Variants in COL11A1 observed in about 807,000 individuals in gnomAD.
COL11A1 encodes collagen alpha-1(XI) chain.
A neutral mutation model predicts 265.2 loss-of-function variants in COL11A1; 74 were observed. The observed-to-expected ratio is 0.28, with a 90% CI of 0.23 to 0.34. COL11A1 has a LOEUF of 0.34. Among genes scored for constraint, COL11A1 ranks in the 10% least tolerant of loss-of-function variants. The pLI is 1.00. For synonymous variants in COL11A1, 816 were observed against 727.6 expected (o/e 1.12, Z -1.96); for missense variants, 2,165 against 2,263.6 (o/e 0.96, Z 0.88).
chr1:102,959,083 T>A (rs191335395), intron 41 of COL11A1, among the ~76,000 whole-genome samples: 2 of 152,328 alleles, frequency 1.3e-5, no homozygotes, highest in Non-Finnish European at 2.9e-5. Flanking sequence ...AATGTTGACA[T>A]TGGTCACTGG....
At chr1:102,992,469 A>C (rs1393481933) in intron 28 of COL11A1, among the ~76,000 whole-genome samples, 1 of 152,042 alleles carries the variant, frequency 6.6e-6, no homozygotes. Flanking sequence ...ATCATTATAT[A>C]TAAAATATTT....
chr1:103,041,816 G>T (rs893978779), intron 4 of COL11A1, among the ~76,000 whole-genome samples: 5 of 152,038 alleles, frequency 3.3e-5, no homozygotes, highest in East Asian at 1.9e-4. Context: ...ACGATGGAAG[G>T]CTTGCTCAAA....
chr1:102,890,244 T>C (rs1468769449), intron 58 of COL11A1, among the ~76,000 whole-genome samples: 1 of 152,128 alleles, frequency 6.6e-6, no homozygotes, highest in East Asian at 1.9e-4. Flanking sequence ...TGAGAAGATA[T>C]AGCACTGAAT....
chr1:102,959,182 A>G (rs1557872619), intron 41 of COL11A1, among the ~76,000 whole-genome samples: 1 of 152,270 alleles, frequency 6.6e-6, no homozygotes, highest in African/African-American at 2.4e-5. Flanking sequence ...TGTTTACTCC[A>G]CTTGTTCTGT....
intron 25 of COL11A1, among the ~76,000 whole-genome samples, chr1:102,997,670 C>T (rs1349409761): frequency 6.6e-6 from 1 of 151,654 alleles, no homozygotes; most frequent in African/African-American, 2.4e-5. Context: ...ATCTTATATC[C>T]TAGTACTACA....
chr1:103,050,950 G>A (rs1474429174), intron 4 of COL11A1, among the ~76,000 whole-genome samples: 4 of 152,214 alleles, frequency 2.6e-5, no homozygotes, highest in African/African-American at 9.6e-5. Flanking sequence ...CGGCCTGATT[G>A]TTCCTCTGGA....
chr1:103,047,174 T>C (rs1029550562), intron 4 of COL11A1, among the ~76,000 whole-genome samples: 2 of 152,318 alleles, frequency 1.3e-5, no homozygotes, highest in Middle Eastern at 3.4e-3. Flanking sequence ...GGGGACGGCA[T>C]TGAATCTGTA....
chr1:102,961,800 A>G, intron 41 of COL11A1, 66 bp downstream of exon 41: 2 of 1,382,632 alleles, frequency 1.4e-6, no homozygotes, highest in Non-Finnish European at 2.1e-6. Flanking sequence ...ACAGCATGAG[A>G]GTAATGAAAG....
chr1:103,021,830 C>G, intron 8 of COL11A1, 61 bp from the exon 9 acceptor site: 2 of 1,120,146 alleles, frequency 1.8e-6, no homozygotes, highest in South Asian at 1.3e-5. Flanking sequence ...TTCTTTCTTT[C>G]TTTTCTTCTT....
intron 57 of COL11A1, among the ~76,000 whole-genome samples, chr1:102,897,062 T>G (rs1652517797): frequency 6.6e-6 from 1 of 152,096 alleles, no homozygotes; most frequent in Non-Finnish European, 1.5e-5. Flanking sequence ...AACTTTTATC[T>G]AGTTACTAAA....
intron 54 of COL11A1, among the ~76,000 whole-genome samples, chr1:102,910,393 T>A (rs375897823): frequency 1.3e-5 from 2 of 152,096 alleles, no homozygotes; most frequent in African/African-American, 4.8e-5. Flanking sequence ...TTTTTTGACA[T>A]ATTTTAAAAT....
chr1:102,901,087 A>G (rs114856564), intron 54 of COL11A1, among the ~76,000 whole-genome samples: 5,115 of 152,158 alleles, frequency 0.034, 109 homozygotes, highest in Non-Finnish European at 0.051. Context: ...TGGGAGACCA[A>G]GGCAGGCGGA....
intron 4 of COL11A1, among the ~76,000 whole-genome samples, chr1:103,038,709 A>G (rs759289657): frequency 3.3e-5 from 5 of 152,184 alleles, no homozygotes; most frequent in African/African-American, 9.7e-5. Flanking sequence ...TAAAAAAATC[A>G]CTTTGACAGC....
intron 1 of COL11A1, among the ~76,000 whole-genome samples, chr1:103,095,187 A>T (rs1673651834): frequency 6.6e-6 from 1 of 152,060 alleles, no homozygotes; most frequent in African/African-American, 2.4e-5. Flanking sequence ...AAACTATGGG[A>T]ATTATTGGAT....
chr1:102,950,636 A>G (rs1231022476), intron 41 of COL11A1, among the ~76,000 whole-genome samples: 1 of 152,168 alleles, frequency 6.6e-6, no homozygotes, highest in Non-Finnish European at 1.5e-5. Flanking sequence ...CAATATGTCC[A>G]ATTTTCACTT....
At chr1:103,094,461 T>C (rs1426272200) in intron 1 of COL11A1, among the ~76,000 whole-genome samples, 1 of 151,926 alleles carries the variant, frequency 6.6e-6, no homozygotes, top group Non-Finnish European at 1.5e-5. Flanking sequence ...TTTTTAGAGA[T>C]ACAAAAAAGC....
chr1:103,043,892 C>T (rs1669035232), intron 4 of COL11A1, among the ~76,000 whole-genome samples: 1 of 151,922 alleles, frequency 6.6e-6, no homozygotes, highest in Non-Finnish European at 1.5e-5. Context: ...TTGTATGTGC[C>T]AGTGTAAAAT....
chr1:103,054,829 A>G (rs1670114012), intron 4 of COL11A1, among the ~76,000 whole-genome samples: 1 of 152,162 alleles, frequency 6.6e-6, no homozygotes. Context: ...TGAACATGGG[A>G]GGCAGAGGTT....
At chr1:102,879,264 A>C in intron 66 of COL11A1, among the ~76,000 whole-genome samples, 1 of 152,202 alleles carries the variant, frequency 6.6e-6, no homozygotes. Context: ...CAAGCTTCTT[A>C]TAAACAAAAT....
Sources: gnomAD v4.1 joint callset for allele counts (sites outside exome capture counted in the v4.1 genomes callset) on GRCh38, gnomAD v4.1.1 for gene constraint, MANE v1.5 for transcripts, NCBI Gene and HGNC (gene_info 2026-07-23, HGNC 2026-07-21) for gene names.